PRKG1: variants seen among roughly 807,000 people sequenced by gnomAD.
PRKG1 encodes cGMP-dependent protein kinase 1.
PRKG1 carries 35 observed loss-of-function variants against 88.1 expected under a neutral mutation model. The ratio of observed to expected loss-of-function variants is 0.40; its 90% CI spans 0.30 to 0.53. The LOEUF (loss-of-function observed/expected upper bound fraction) is 0.53, where lower values mean the gene tolerates loss of function less well. Ranked by LOEUF, PRKG1 falls within the 20% of genes least tolerant of loss-of-function variation. PRKG1 has a pLI of 0.59. For synonymous variants in PRKG1, 303 were observed against 292.5 expected (o/e 1.04, Z -0.37); for missense variants, 540 against 839.8 (o/e 0.64, Z 4.41).
At chr10:51,341,979 C>G (rs1046198484) in intron 2 of PRKG1, among the ~76,000 whole-genome samples, 4 of 152,106 alleles carry the variant, frequency 2.6e-5, no homozygotes, top group South Asian at 4.1e-4. Context: ...ATGAGGTTTT[C>G]TGGCCCTGCC....
intron 8 of PRKG1, among the ~76,000 whole-genome samples, chr10:52,156,901 T>C (rs1013589037): frequency 2.0e-5 from 3 of 151,690 alleles, no homozygotes; most frequent in Non-Finnish European, 3.0e-5. Flanking sequence ...CATAACGGTA[T>C]AGCCTGTGAA....
At chr10:51,947,794 A>C (rs1286157832) in intron 5 of PRKG1, among the ~76,000 whole-genome samples, 2 of 152,098 alleles carry the variant, frequency 1.3e-5, no homozygotes, top group Non-Finnish European at 2.9e-5. Context: ...GAATTCCTTC[A>C]GGTCATAGCA....
At chr10:51,374,091 A>ATATATAT (rs1554801042) in intron 2 of PRKG1, among the ~76,000 whole-genome samples, 1 of 64,742 alleles carries the variant, frequency 1.5e-5, no homozygotes, top group Non-Finnish European at 3.7e-5. Flanking sequence ...GCAAAAAAAA[A>ATATATAT]AAATATATAT....
intron 7 of PRKG1, among the ~76,000 whole-genome samples, chr10:52,104,927 G>A (rs1847379349): frequency 1.3e-5 from 2 of 152,170 alleles, no homozygotes; most frequent in South Asian, 4.1e-4. Flanking sequence ...GTGAAAGAAT[G>A]CGGGGAAATA....
At chr10:51,948,107 A>C (rs1318638447) in intron 5 of PRKG1, among the ~76,000 whole-genome samples, 1 of 152,120 alleles carries the variant, frequency 6.6e-6, no homozygotes, top group Non-Finnish European at 1.5e-5. Flanking sequence ...GATTTATGAC[A>C]ACATTTCTCA....
intron 3 of PRKG1, among the ~76,000 whole-genome samples, chr10:51,787,493 T>C (rs1838758359): frequency 6.6e-6 from 1 of 152,106 alleles, no homozygotes; most frequent in African/African-American, 2.4e-5. Flanking sequence ...CCCAGCATGG[T>C]AGTTCCCCAA....
intron 3 of PRKG1, among the ~76,000 whole-genome samples, chr10:51,728,449 CTTTGTTTTT>C (rs1842189256): frequency 5.2e-5 from 3 of 57,918 alleles, no homozygotes; most frequent in Non-Finnish European, 7.0e-5. Flanking sequence ...TCCATTTTTT[CTTTGTTTTT>C]TTTTTTTTTT....
chr10:52,292,507 TA>T (rs1455603291), intron 17 of PRKG1, among the ~76,000 whole-genome samples: 13 of 151,988 alleles, frequency 8.6e-5, no homozygotes, highest in African/African-American at 3.1e-4. Context: ...CAGCACCATT[TA>T]TTAAATAGGG....
At chr10:52,179,679 G>T (rs1262772028) in intron 9 of PRKG1, among the ~76,000 whole-genome samples, 2 of 152,048 alleles carry the variant, frequency 1.3e-5, no homozygotes, top group Non-Finnish European at 2.9e-5. Context: ...GATACACTTT[G>T]TTGTTGTTGC....
intron 10 of PRKG1, among the ~76,000 whole-genome samples, chr10:52,254,308 G>C (rs1471244125): frequency 6.6e-6 from 1 of 151,896 alleles, no homozygotes; most frequent in Non-Finnish European, 1.5e-5. Context: ...ATTATAAAGT[G>C]CTATTGAAGC....
At chr10:51,657,831 G>A (rs1840199400) in intron 3 of PRKG1, among the ~76,000 whole-genome samples, 1 of 152,116 alleles carries the variant, frequency 6.6e-6, no homozygotes, top group Non-Finnish European at 1.5e-5. Flanking sequence ...TAGCAGACGG[G>A]ACTGTTCTGC....
chr10:51,288,733 A>G (rs1376669656), intron 2 of PRKG1, among the ~76,000 whole-genome samples: 7 of 152,212 alleles, frequency 4.6e-5, no homozygotes, highest in Non-Finnish European at 8.8e-5. Flanking sequence ...ACAAAAATGA[A>G]TAATACTACT....
chr10:52,276,131 C>T (rs1396077663), intron 12 of PRKG1, among the ~76,000 whole-genome samples: 2 of 152,096 alleles, frequency 1.3e-5, no homozygotes, highest in South Asian at 2.1e-4. Context: ...CGTCAGCAAA[C>T]AGTGACAGTT....
chr10:51,223,678 G>C (rs141166480), intron 2 of PRKG1, among the ~76,000 whole-genome samples: 1 of 151,644 alleles, frequency 6.6e-6, no homozygotes, highest in African/African-American at 2.4e-5. Context: ...TATTCTTTTG[G>C]CCTATTTCCA....
intron 14 of PRKG1, 125 bp from the exon 15 acceptor site, chr10:52,288,601 C>A: frequency 1.8e-6 from 2 of 1,086,620 alleles, no homozygotes; most frequent in South Asian, 2.1e-5. Flanking sequence ...ATTTTCATTC[C>A]ATTGTCACTA....
chr10:51,444,946 G>A (rs746180224), intron 2 of PRKG1, among the ~76,000 whole-genome samples: 4 of 151,868 alleles, frequency 2.6e-5, no homozygotes, highest in Non-Finnish European at 4.4e-5. Context: ...AGTCTTCATT[G>A]TTGAAATAAG....
At chr10:52,007,156 C>CCT (rs1314341359) in intron 5 of PRKG1, among the ~76,000 whole-genome samples, 1 of 152,150 alleles carries the variant, frequency 6.6e-6, no homozygotes, top group African/African-American at 2.4e-5. Context: ...CCGTTACCAG[C>CCT]AAGTACAAAA....
chr10:51,740,300 A>G (rs1837399085), intron 3 of PRKG1, among the ~76,000 whole-genome samples: 1 of 152,188 alleles, frequency 6.6e-6, no homozygotes, highest in Non-Finnish European at 1.5e-5. Context: ...AAGTGCTGGG[A>G]TGACAGGCTG....
intron 2 of PRKG1, among the ~76,000 whole-genome samples, chr10:51,372,186 A>G (rs1218707445): frequency 6.6e-6 from 1 of 152,184 alleles, no homozygotes; most frequent in Non-Finnish European, 1.5e-5. Context: ...GGTGTTCTAT[A>G]AGTGAAATTG....
Sources: allele counts gnomAD v4.1 joint callset (sites outside exome capture counted in the v4.1 genomes callset), GRCh38; gene constraint gnomAD v4.1.1; transcripts MANE v1.5; gene names NCBI Gene and HGNC (gene_info 2026-07-23, HGNC 2026-07-21).